The following CLN6 variants were observed in gnomAD, a reference collection of about 807,000 sequenced individuals.
CLN6 encodes the protein ceroid-lipofuscinosis neuronal protein 6.
A neutral mutation model predicts 33.3 loss-of-function variants in CLN6; 22 were observed. The observed-to-expected ratio is 0.66, with a 90% CI of 0.47 to 0.94. The LOEUF (loss-of-function observed/expected upper bound fraction) is 0.94. Among genes scored for constraint, CLN6 ranks in the 40% least tolerant of loss-of-function variants. The probability of loss-of-function intolerance (pLI) is 0.00; values close to 1 mark genes in which losing one functional copy is unlikely to be tolerated. For missense variants in CLN6, 387 were observed against 417.1 expected, an observed-to-expected ratio of 0.93 and a Z score of 0.63; for synonymous variants, 201 against 174.6, an observed-to-expected ratio of 1.15 and a Z score of -1.19.
At chr15:68,234,519 A>C (rs1892199368), upstream of CLN6, among the ~76,000 whole-genome samples, 1 of 152,142 alleles carries the variant, frequency 6.6e-6, no homozygotes, top group African/African-American at 2.4e-5. This position sits in a 1 kb window ranked among gnomAD's most constrained non-coding sequence, Gnocchi z 4.1. Flanking sequence ...TTAATGGAAG[A>C]GATCACTGCC....
chr15:68,240,750 G>A (rs530059599), intron 1 of CLN6, among the ~76,000 whole-genome samples: 27 of 151,582 alleles, frequency 1.8e-4, no homozygotes, highest in Admixed American at 9.8e-4. Context: ...TTGGGAGGCC[G>A]AGAGAGGCGG....
At chr15:68,230,606 CCTCACAG>C (rs1243224693), upstream of CLN6, among the ~76,000 whole-genome samples, 1 of 152,152 alleles carries the variant, frequency 6.6e-6, no homozygotes, top group African/African-American at 2.4e-5. The surrounding 1 kb of genome is among the most constrained non-coding windows in gnomAD (Gnocchi z 4.0). Context: ...TGGCTCAACC[CCTCACAG>C]CTTCAGTTTA....
intron 1 of CLN6, 44 bp downstream of exon 1, chr15:68,229,458 C>G (rs1337779154): frequency 6.4e-6 from 9 of 1,401,616 alleles, no homozygotes; most frequent in African/African-American, 1.5e-5. Context: ...GAGGCCCCAG[C>G]GCACAGGCGC....
chr15:68,217,476 T>C (rs559625949), intron 2 of CLN6, among the ~76,000 whole-genome samples: 21 of 152,222 alleles, frequency 1.4e-4, no homozygotes, highest in Non-Finnish European at 2.8e-4. Flanking sequence ...GTGATGTTCC[T>C]GTTTCAGCTT....
intron 1 of CLN6, among the ~76,000 whole-genome samples, chr15:68,250,540 G>A (rs572690259): frequency 3.3e-5 from 5 of 150,062 alleles, no homozygotes; most frequent in East Asian, 2.0e-4. Context: ...CAAGAGAATC[G>A]CTTGAATCCG....
chr15:68,226,544 G>A (rs960693157), intron 1 of CLN6, among the ~76,000 whole-genome samples: 4 of 151,778 alleles, frequency 2.6e-5, no homozygotes, highest in Non-Finnish European at 5.9e-5. Flanking sequence ...TTGGCCCACC[G>A]CAACCTCCGC....
At chr15:68,212,063 G>A (rs2093207516) in intron 3 of CLN6, 200 bp from the exon 4 acceptor site, 2 of 607,334 alleles carry the variant, frequency 3.3e-6, no homozygotes, top group South Asian at 2.0e-5. Flanking sequence ...GGAATGTGGA[G>A]CAGCACCCCC....
At chr15:68,231,975 A>T (rs924159769), upstream of CLN6, among the ~76,000 whole-genome samples, 1 of 152,182 alleles carries the variant, frequency 6.6e-6, no homozygotes, top group African/African-American at 2.4e-5. Flanking sequence ...GTTTGTGATT[A>T]TCTGAGAACA....
rs1040533049 is a variant in CLN6 at position 68,208,917 on chromosome 15, G to A, written c.666-507C>T. The stretch of plus-strand genomic sequence containing the variant: ...CACATAGGGGACAGGCCGGGGAGAG[G>A]ATCTAGAGCTGGCCCAGGAAAGGAG... On this transcript the variant is annotated intron_variant, in intron 6 of 6. Coordinates refer to ENST00000249806, the MANE Select transcript of CLN6 (RefSeq NM_017882.3). This position sits in a 1 kb window ranked among gnomAD's most constrained non-coding sequence, Gnocchi z 5.8. Among the ~76,000 whole-genome samples, 14 of 152,208 alleles carry A rather than the reference G, an allele frequency of 9.2e-5. No individual in the cohort carries two copies. Among genetic ancestry groups the A allele is most frequent in the Admixed American group, 9.2e-4 (14 of 15,284 alleles).
In CLN6 at chr15:68,249,986, C is replaced by T. The variant is rs147224240; in HGVS notation, c.179+6704G>A. 5.1e-3 allele frequency among the ~76,000 whole-genome samples: 769 copies of T among 151,898 alleles called. 6 individuals are homozygous for T. The highest frequency in any genetic ancestry group is 0.018 in the African/African-American group (737 of 41,456). ...CGGGGTTTCACCATGTTGGTCAGGC[C>T]GATCTCGAACTCCTGACCTCGTGAT... On this transcript the variant is annotated intron_variant, in intron 1 of 6. Transcript: ENST00000538696.
intron 2 of CLN6, chr15:68,214,889 G>A (rs2093216432): frequency 5.1e-6 from 1 of 194,452 alleles, no homozygotes; most frequent in South Asian, 9.7e-5. Flanking sequence ...TGAGTGCTAG[G>A]CCCTGATGTG....
chr15:68,212,538 T>G (rs1447030836), intron 3 of CLN6: 2 of 152,854 alleles, frequency 1.3e-5, no homozygotes, highest in Non-Finnish European at 2.9e-5. Flanking sequence ...AGTCTAAACA[T>G]GAAATTCATT....
At position 68,211,178 on chromosome 15, in the gene CLN6, G is replaced by T; in HGVS notation, c.542+85C>A. The T allele has an allele frequency of 8.7e-7, 1 of 1,153,866 alleles. No individual in the cohort carries two copies. The highest frequency in any genetic ancestry group is 1.3e-6 in the Non-Finnish European group (1 of 760,060). 71.5% of individuals were successfully genotyped at this position (1,153,866 alleles called of 1,614,324 possible). On this transcript the variant is annotated intron_variant, in intron 5 of 6. Coordinates refer to ENST00000249806, the MANE Select transcript of CLN6 (RefSeq NM_017882.3). The surrounding 1 kb of genome is among the most constrained non-coding windows in gnomAD (Gnocchi z 5.9). The stretch of plus-strand genomic sequence containing the variant: ...CACATGGAGACCCGCAGCCCAGACA[G>T]CCTTGCTCAGTGTGTCCCTGAGCCA...
Position 68,210,272 on chromosome 15 carries a change from C to T in CLN6, c.543-513G>A, listed in dbSNP as rs1000098452. On this transcript the variant is annotated intron_variant, in intron 5 of 6. Transcript: ENST00000249806. The surrounding 1 kb of genome is among the most constrained non-coding windows in gnomAD (Gnocchi z 5.6). ...TCTCCCCTCTCCACACACCGGCTCC[C>T]TTTCTCCCACCTGTGCTTTCACCAG... is the stretch of plus-strand genomic sequence containing the variant. Among the ~76,000 whole-genome samples the T allele has an allele frequency of 8.6e-5, 13 of 152,038 alleles. No homozygotes were observed. The highest frequency in any genetic ancestry group is 3.1e-4 in the African/African-American group (13 of 41,378).
intron 1 of CLN6, among the ~76,000 whole-genome samples, chr15:68,235,675 T>C (rs1259196004): frequency 6.6e-6 from 1 of 150,896 alleles, no homozygotes; most frequent in Non-Finnish European, 1.5e-5. Flanking sequence ...GCTTCTGTTT[T>C]CCTAACCAGA....
At chr15:68,235,587 AATAT>A (rs59823320) in intron 1 of CLN6, among the ~76,000 whole-genome samples, 131 of 94,996 alleles carry the variant, frequency 1.4e-3, no homozygotes, top group African/African-American at 5.9e-3. Flanking sequence ...AATAAAAATA[AATAT>A]ATATATATAT....
intron 1 of CLN6, among the ~76,000 whole-genome samples, chr15:68,224,997 C>G (rs903019501): frequency 1.3e-5 from 2 of 152,050 alleles, no homozygotes; most frequent in African/African-American, 4.8e-5. Context: ...AGGCAGTCAG[C>G]AGCATCTGCA....
At chr15:68,248,758 A>G (rs893876981) in intron 1 of CLN6, among the ~76,000 whole-genome samples, 9 of 152,196 alleles carry the variant, frequency 5.9e-5, no homozygotes, top group Non-Finnish European at 1.0e-4. Flanking sequence ...TTTTTTGTGT[A>G]AGACCTCAAA....
rs59858556 is a variant in CLN6, at chr15:68,246,603, A to G, written c.179+10087T>C. 0.022 allele frequency among the ~76,000 whole-genome samples: 3,377 copies of G among 152,230 alleles called. 131 individuals carry two copies. Among genetic ancestry groups the G allele is most frequent in the African/African-American group, 0.078 (3,234 of 41,488 alleles). ...GGGAATTTTATAGCAATAAATGCCT[A>G]CATCAAAAAAGCAGAAAGACTTCAA... On this transcript the variant is annotated intron_variant, in intron 1 of 6. Transcript: ENST00000538696. The surrounding 1 kb of genome is among the most constrained non-coding windows in gnomAD (Gnocchi z 4.5).
Sources: gnomAD v4.1 joint callset for allele counts (sites outside exome capture counted in the v4.1 genomes callset) on GRCh38, gnomAD v4.1.1 for gene constraint, Gnocchi (gnomAD v3.1) non-coding constraint, MANE v1.5 for transcripts, NCBI Gene and HGNC (gene_info 2026-07-23, HGNC 2026-07-21) for gene names.